Variants in CREBRF observed in about 807,000 individuals in gnomAD.
CREBRF encodes the protein UPF0474 protein C5orf41.
A neutral mutation model predicts 66.1 loss-of-function variants in CREBRF; 5 were observed. That is an observed-to-expected ratio of 0.08 (90% CI 0.04 to 0.16). The LOEUF is 0.16. CREBRF is among the 10% of genes least tolerant of loss of function. The pLI, the probability that CREBRF is intolerant of heterozygous loss-of-function variation, is 1.00. For synonymous variants in CREBRF, 229 were observed against 264.4 expected, an observed-to-expected ratio of 0.87 and a Z score of 1.30; for missense variants, 531 against 744.9, an observed-to-expected ratio of 0.71 and a Z score of 3.34.
At chr5:173,117,737 T>C (rs975512855) in intron 7 of CREBRF, among the ~76,000 whole-genome samples, 3 of 147,656 alleles carry the variant, frequency 2.0e-5, no homozygotes, top group Non-Finnish European at 3.0e-5. Flanking sequence ...TTCTTGTCTT[T>C]CCTCGCTCTG....
intron 8 of CREBRF, among the ~76,000 whole-genome samples, chr5:173,129,032 G>A (rs996302610): frequency 7.3e-5 from 11 of 149,868 alleles, no homozygotes; most frequent in African/African-American, 2.7e-4. Flanking sequence ...CACCCGCCTC[G>A]GCCTCCCATA....
intron 8 of CREBRF, chr5:173,123,930 A>G (rs1759201864): frequency 6.6e-6 from 1 of 152,158 alleles, no homozygotes. Context: ...ATATGGATTA[A>G]TTCTGTGCTT....
rs542959113 is a variant in CREBRF at position 173,137,620 on chromosome 5, G to A, written c.*3875G>A. On this transcript the variant is annotated 3_prime_UTR_variant, in exon 9 of 9. Transcript: ENST00000296953. ...TTTGTTTTATAAAAACAGATGACAA[G>A]TCTCTTTAAAAGAAACAGAAGTACA... 30 of 151,914 alleles carry A rather than the reference G, an allele frequency of 2.0e-4. No homozygotes were observed. Among genetic ancestry groups the A allele is most frequent in the Non-Finnish European group, 3.2e-4 (22 of 67,922 alleles). 9.4% of individuals were successfully genotyped at this position (151,914 alleles called of 1,614,324 possible). A position where few individuals can be genotyped will look rare whatever the true frequency, so the allele number is the denominator to read the frequency against.
At chr5:173,059,522 C>T (rs1027472951) in intron 1 of CREBRF, among the ~76,000 whole-genome samples, 10 of 152,058 alleles carry the variant, frequency 6.6e-5, no homozygotes, top group Admixed American at 5.9e-4. Flanking sequence ...CCTTGGCCTC[C>T]CAAAGTGCTG....
chr5:173,091,090 C>T lies in CREBRF; in HGVS notation c.911C>T (p.Pro304Leu). Residue 304 changes from proline to leucine, a missense_variant, in exon 4 of 9, where the codon CCC becomes CTC. By Grantham distance (98) the Pro-to-Leu change is moderately conservative (BLOSUM62 -3). This residue lies in a region of CREBRF where 309 missense variants were observed against 341.4 expected (regional missense o/e 0.90). Coordinates refer to ENST00000296953, the MANE Select transcript of CREBRF (RefSeq NM_153607.3). ...CAGGAACTATTACTAAGTCCCCTGC[C>T]CCAGGAAGGTCCTGGGTCACTTGCA... ...ETQELLLSPL[P>L]QEGPGSLAAG... 6.2e-7 allele frequency: 1 copy of T among 1,614,168 alleles called. No homozygotes were observed. The highest frequency in any genetic ancestry group is 8.5e-7 in the Non-Finnish European group (1 of 1,180,026).
At chr5:173,115,416 C>A (rs749201929) in intron 7 of CREBRF, among the ~76,000 whole-genome samples, 53 of 151,614 alleles carry the variant, frequency 3.5e-4, no homozygotes, top group Non-Finnish European at 6.8e-4. Context: ...TGTGTTTTCT[C>A]TTTTAAAAGT....
At chr5:173,109,089 A>G (rs755840180) in intron 5 of CREBRF, 4 of 333,560 alleles carry the variant, frequency 1.2e-5, no homozygotes, top group Non-Finnish European at 2.1e-5. Context: ...CATTCAGGAA[A>G]TGACTAGGAG....
intron 7 of CREBRF, among the ~76,000 whole-genome samples, chr5:173,119,331 A>T (rs1759082636): frequency 1.3e-5 from 2 of 152,196 alleles, no homozygotes; most frequent in South Asian, 4.2e-4. Context: ...TACCTAGCTA[A>T]GTCTTCTTTA....
At chr5:173,085,573 C>T (rs999761916) in intron 2 of CREBRF, among the ~76,000 whole-genome samples, 3 of 152,048 alleles carry the variant, frequency 2.0e-5, no homozygotes, top group African/African-American at 4.8e-5. Context: ...CCTGCCAGCA[C>T]GCCCGGCTAA....
intron 4 of CREBRF, among the ~76,000 whole-genome samples, chr5:173,107,186 GT>G (rs1269057661): frequency 2.6e-5 from 4 of 152,182 alleles, no homozygotes; most frequent in Non-Finnish European, 5.9e-5. Flanking sequence ...AGAAAACTTA[GT>G]TCCTCAAAGC....
At chr5:173,113,697 T>C (rs931212551) in intron 7 of CREBRF, among the ~76,000 whole-genome samples, 3 of 152,168 alleles carry the variant, frequency 2.0e-5, no homozygotes, top group Non-Finnish European at 4.4e-5. Flanking sequence ...CATTTCACAT[T>C]GTAGCACATG....
intron 2 of CREBRF, among the ~76,000 whole-genome samples, chr5:173,084,334 A>G (rs1002620): frequency 0.49 from 73,998 of 152,032 alleles, 19,154 homozygotes; most frequent in Non-Finnish European, 0.58. Flanking sequence ...AACAACAACA[A>G]CACACCAAGA....
At chr5:173,067,788 C>T (rs1051495204) in intron 1 of CREBRF, among the ~76,000 whole-genome samples, 2 of 151,978 alleles carry the variant, frequency 1.3e-5, no homozygotes, top group Non-Finnish European at 2.9e-5. Context: ...AAGAAGAGGT[C>T]AGGAGATCGA....
chr5:173,085,863 C>T (rs1758131485), intron 2 of CREBRF: 1 of 798,532 alleles, frequency 1.3e-6, no homozygotes, highest in African/African-American at 1.7e-5. Flanking sequence ...GTAGAGGGGT[C>T]ATCTCTGAGA....
chr5:173,087,436 G>A (rs770797088), intron 3 of CREBRF, among the ~76,000 whole-genome samples: 28 of 151,922 alleles, frequency 1.8e-4, no homozygotes, highest in Non-Finnish European at 3.5e-4. Flanking sequence ...GGTGGCTCAC[G>A]CCTGTAATCC....
intron 2 of CREBRF, chr5:173,085,674 C>T: frequency 1.5e-6 from 1 of 682,786 alleles, no homozygotes; most frequent in Non-Finnish European, 2.7e-6. Flanking sequence ...ACCTGAGCCT[C>T]CCAAAGTGCT....
At chr5:173,116,521 T>G (rs1008444054) in intron 7 of CREBRF, among the ~76,000 whole-genome samples, 3 of 152,222 alleles carry the variant, frequency 2.0e-5, no homozygotes, top group Non-Finnish European at 4.4e-5. Context: ...CTCAGCATAA[T>G]TATTTAAAAA....
At chr5:173,116,259 G>A (rs1360129347) in intron 7 of CREBRF, among the ~76,000 whole-genome samples, 5 of 152,196 alleles carry the variant, frequency 3.3e-5, no homozygotes, top group African/African-American at 4.8e-5. Flanking sequence ...TTGAAGTACA[G>A]TACCTACACA....
chr5:173,124,489 G>A (rs114881447), intron 8 of CREBRF: 1 of 151,102 alleles, frequency 6.6e-6, no homozygotes, highest in African/African-American at 2.4e-5. Flanking sequence ...ATGCAGGAGG[G>A]GTGGAGGTTA....
Sources: allele counts gnomAD v4.1 joint callset (sites outside exome capture counted in the v4.1 genomes callset), GRCh38; gene constraint gnomAD v4.1.1; regional missense constraint gnomAD v4.1.1; transcripts MANE v1.5; gene names NCBI Gene and HGNC (gene_info 2026-07-23, HGNC 2026-07-21).